KIF26B: variants seen among roughly 807,000 people sequenced by gnomAD.
The protein encoded by KIF26B is kinesin-like protein KIF26B.
A neutral mutation model predicts 151.2 loss-of-function variants in KIF26B; 63 were observed. That is an observed-to-expected ratio of 0.42 (90% CI 0.34 to 0.51). The LOEUF is 0.51. KIF26B is among the 20% of genes least tolerant of loss of function. KIF26B has a pLI of 0.07. For synonymous variants in KIF26B, 1,357 were observed against 1,262.1 expected, an observed-to-expected ratio of 1.08 and a Z score of -1.59; for missense variants, 2,813 against 2,913.6, an observed-to-expected ratio of 0.97 and a Z score of 0.79.
At chr1:245,509,681 T>C (rs777306302) in intron 4 of KIF26B, among the ~76,000 whole-genome samples, 7 of 152,144 alleles carry the variant, frequency 4.6e-5, no homozygotes, top group Admixed American at 6.5e-5. Flanking sequence ...ATCAGAATCT[T>C]TGGGGTAGGG....
intron 10 of KIF26B, among the ~76,000 whole-genome samples, chr1:245,661,131 C>T (rs1247390328): frequency 1.3e-5 from 2 of 151,764 alleles, no homozygotes; most frequent in Non-Finnish European, 2.9e-5. Context: ...GGATTATTTG[C>T]GCCTGCCACC....
chr1:245,424,792 C>T (rs1558160634), intron 4 of KIF26B, among the ~76,000 whole-genome samples: 1 of 152,114 alleles, frequency 6.6e-6, no homozygotes, highest in East Asian at 1.9e-4. Flanking sequence ...GTCCTTCACC[C>T]GGATAGTTTG....
intron 3 of KIF26B, among the ~76,000 whole-genome samples, chr1:245,408,644 C>T (rs905733070): frequency 6.6e-6 from 1 of 152,254 alleles, no homozygotes; most frequent in Non-Finnish European, 1.5e-5. Flanking sequence ...CGTGAGCCAC[C>T]GCGTCCGGCC....
intron 2 of KIF26B, among the ~76,000 whole-genome samples, chr1:245,186,300 C>T (rs1052270497): frequency 1.3e-5 from 2 of 152,250 alleles, no homozygotes; most frequent in Admixed American, 6.5e-5. Flanking sequence ...GCTACAGCCT[C>T]GACAGTTAAG....
rs939685788 is a variant in KIF26B, at chr1:245,688,431, G to C, written c.5448G>C (p.Ala1816=). The part of the protein sequence containing the change: ...GRISELLQGG[A]GARGLQLRAG... ...TCTCGGAGCTGCTGCAGGGTGGCGC[G>C]GGCGCCCGGGGCTTGCAGCTGCGGG... Residue 1816 remains alanine (A), a synonymous_variant, in exon 12 of 15, where the codon GCG becomes GCC. Coordinates refer to ENST00000407071, the MANE Select transcript of KIF26B (RefSeq NM_018012.4). 1 of 1,395,764 alleles carries C rather than the reference G, an allele frequency of 7.2e-7. No homozygotes were observed. The highest frequency in any genetic ancestry group is 1.5e-5 in the African/African-American group (1 of 66,242). The allele number at this position is 1,395,764 out of a possible 1,614,324, so 86.5% of individuals were successfully genotyped here.
chr1:245,289,073 G>A (rs1671212369), intron 2 of KIF26B, among the ~76,000 whole-genome samples: 1 of 152,160 alleles, frequency 6.6e-6, no homozygotes, highest in Admixed American at 6.5e-5. Context: ...TTGGTTTGTA[G>A]CCAATGGCTG....
intron 2 of KIF26B, among the ~76,000 whole-genome samples, chr1:245,339,419 G>T (rs1672294831): frequency 6.6e-6 from 1 of 152,186 alleles, no homozygotes; most frequent in African/African-American, 2.4e-5. Flanking sequence ...CACTTTGATA[G>T]CCTCCTTGCA....
chr1:245,463,419 T>G (rs1477632515), intron 4 of KIF26B, among the ~76,000 whole-genome samples: 1 of 152,182 alleles, frequency 6.6e-6, no homozygotes, highest in Admixed American at 6.5e-5. Flanking sequence ...CCATGACATC[T>G]TGTGTCTCCC....
intron 9 of KIF26B, 65 bp downstream of exon 9, chr1:245,612,041 G>C: frequency 7.0e-7 from 1 of 1,422,828 alleles, no homozygotes; most frequent in Non-Finnish European, 9.8e-7. Context: ...AATCCCTTGG[G>C]CAACCATGAC....
chr1:245,210,508 C>CTTTTTTTTTT (rs35803033), intron 2 of KIF26B, among the ~76,000 whole-genome samples: 1 of 129,780 alleles, frequency 7.7e-6, no homozygotes, highest in Non-Finnish European at 1.6e-5. Flanking sequence ...ATATCCTAAG[C>CTTTTTTTTTT]TTTTTTTTTT....
intron 2 of KIF26B, among the ~76,000 whole-genome samples, chr1:245,168,141 T>C (rs950003618): frequency 6.6e-6 from 1 of 152,238 alleles, no homozygotes; most frequent in African/African-American, 2.4e-5. Flanking sequence ...TCTGTGAAGC[T>C]GAGGCTTTGG....
rs186640215 is a variant in KIF26B, at chr1:245,521,254, G to A, written c.1167-19513G>A. On this transcript the variant is annotated intron_variant, in intron 4 of 14. Transcript: ENST00000407071. ...CCGAAGGCTGAGGCAGGAGAATGGC[G>A]TGAACCCGGGAGGCGGAGCTTGCAG... Among the ~76,000 whole-genome samples the A allele has an allele frequency of 1.3e-3, 204 of 151,856 alleles. 1 individual carries two copies. Among genetic ancestry groups the A allele is most frequent in the African/African-American group, 4.3e-3 (177 of 41,390 alleles).
chr1:245,653,651 C>G (rs555406940), intron 10 of KIF26B, among the ~76,000 whole-genome samples: 3 of 152,302 alleles, frequency 2.0e-5, no homozygotes, highest in South Asian at 4.2e-4. Context: ...TATCACCCCC[C>G]ACCGAGTACA....
intron 4 of KIF26B, among the ~76,000 whole-genome samples, chr1:245,487,316 G>T (rs1475521029): frequency 6.6e-6 from 1 of 152,166 alleles, no homozygotes; most frequent in Non-Finnish European, 1.5e-5. Flanking sequence ...TATATCATTT[G>T]CAGGGCTCAG....
intron 9 of KIF26B, among the ~76,000 whole-genome samples, chr1:245,627,355 A>G (rs2043734398): frequency 6.6e-6 from 1 of 152,194 alleles, no homozygotes; most frequent in African/African-American, 2.4e-5. Context: ...AAACTCACTC[A>G]AAACCACACA....
At position 245,606,653 on chromosome 1, in the gene KIF26B, T is replaced by C. The variant is rs1335707901; in HGVS notation, c.1558-998T>C. Among the ~76,000 whole-genome samples, 6 of 152,130 alleles carry C rather than the reference T, an allele frequency of 3.9e-5. No individual in the cohort carries two copies. Among genetic ancestry groups the C allele is most frequent in the Non-Finnish European group, 5.9e-5 (4 of 68,030 alleles). On this transcript the variant is annotated intron_variant, in intron 6 of 14. Transcript: ENST00000407071. This position sits in a 1 kb window ranked among gnomAD's most constrained non-coding sequence, Gnocchi z 4.6. ...CCCTGTCTAGGATTTAATAATCAAATTGGAGACCAGACACACACACCCGGC... is the reference window on the plus strand; with the variant it reads ...CCCTGTCTAGGATTTAATAATCAAACTGGAGACCAGACACACACACCCGGC...
intron 2 of KIF26B, among the ~76,000 whole-genome samples, chr1:245,361,457 A>G (rs1434798479): frequency 6.6e-6 from 1 of 152,146 alleles, no homozygotes; most frequent in Non-Finnish European, 1.5e-5. Flanking sequence ...CTTTACATTC[A>G]GCGTGTTCAC....
At chr1:245,610,645 A>G (rs2043510091) in intron 8 of KIF26B, among the ~76,000 whole-genome samples, 1 of 152,156 alleles carries the variant, frequency 6.6e-6, no homozygotes, top group Non-Finnish European at 1.5e-5. Flanking sequence ...TTTCACCCCC[A>G]TTCATTTTTA....
intron 5 of KIF26B, among the ~76,000 whole-genome samples, chr1:245,544,865 C>T (rs1661703761): frequency 6.6e-6 from 1 of 152,146 alleles, no homozygotes. Context: ...CCATCCCTTC[C>T]CTCCTTCCCA....
Sources: allele counts gnomAD v4.1 joint callset (sites outside exome capture counted in the v4.1 genomes callset), GRCh38; gene constraint gnomAD v4.1.1; non-coding constraint Gnocchi (gnomAD v3.1); transcripts MANE v1.5; gene names NCBI Gene and HGNC (gene_info 2026-07-23, HGNC 2026-07-21).